The following KCTD13 variants were observed in gnomAD, a reference collection of about 807,000 sequenced individuals.
KCTD13 encodes the protein BTB/POZ domain-containing adapter for CUL3-mediated RhoA degradation protein 1.
KCTD13 carries 15 observed loss-of-function variants against 32.3 expected under a neutral mutation model. The ratio of observed to expected loss-of-function variants is 0.46; its 90% CI spans 0.31 to 0.71. KCTD13 has a LOEUF of 0.71. Among genes scored for constraint, KCTD13 ranks in the 30% least tolerant of loss-of-function variants. The pLI is 0.05. For missense variants in KCTD13, 337 were observed against 452.6 expected (o/e 0.74, Z 2.32); for synonymous variants, 189 against 200.1 (o/e 0.94, Z 0.47).
Position 29,923,239 on chromosome 16 carries a change from C to T in KCTD13, c.365G>A (p.Arg122His), listed in dbSNP as rs145261639. The T allele has an allele frequency of 5.6e-6, 9 of 1,614,082 alleles. No homozygotes were observed. The African/African-American group carries it at 8.0e-5, about 14-fold the overall frequency. The change falls in exon 2 of 6, where the codon CGC (arginine) becomes CAC (histidine). Residue 122 changes from arginine to histidine, a missense_variant. Around this residue, in one of 3 missense-constraint regions of KCTD13, gnomAD observed 252 missense variants for 340.2 expected, o/e 0.74. Coordinates refer to ENST00000568000, the MANE Select transcript of KCTD13 (RefSeq NM_178863.5). The stretch of plus-strand genomic sequence containing the variant: ...AATCAGGCCCTGCACCAGGTAGTAG[C>T]GTGCTTCGCCCAGCAGCTCCCCCAG... ...RELGELLGEA[R>H]YYLVQGLIED...
chr16:29,917,336 T>C (rs1321728870), intron 2 of KCTD13, among the ~76,000 whole-genome samples: 1 of 152,120 alleles, frequency 6.6e-6, no homozygotes, highest in East Asian at 1.9e-4. Flanking sequence ...AATACCCATA[T>C]ATGAAAAAAA....
At chr16:29,911,690 G>T (rs544369227) in intron 4 of KCTD13, 125 bp downstream of exon 4, 313 of 1,007,978 alleles carry the variant, frequency 3.1e-4, no homozygotes, top group Middle Eastern at 9.4e-4. Flanking sequence ...AGGCGAAGCC[G>T]AATCTGCGAG....
chr16:29,910,825 T>C (rs961891614), intron 5 of KCTD13, among the ~76,000 whole-genome samples, 153 bp downstream of exon 5: 2 of 152,068 alleles, frequency 1.3e-5, no homozygotes, highest in African/African-American at 4.8e-5. Flanking sequence ...CCCACAGGGA[T>C]AGGGTGGCTT....
chr16:29,917,856 G>C (rs1007342129), intron 2 of KCTD13, among the ~76,000 whole-genome samples: 2 of 152,122 alleles, frequency 1.3e-5, no homozygotes, highest in African/African-American at 4.8e-5. Context: ...GCTGAGACAT[G>C]AAAATTGTTT....
chr16:29,916,266 T>A (rs2068807759), intron 2 of KCTD13, among the ~76,000 whole-genome samples: 1 of 152,170 alleles, frequency 6.6e-6, no homozygotes, highest in South Asian at 2.1e-4. Context: ...TTCTTTTAAT[T>A]TTTTTAGAGA....
chr16:29,925,559 G>A (rs1477674628), intron 1 of KCTD13: 6 of 584,588 alleles, frequency 1.0e-5, no homozygotes, highest in East Asian at 2.9e-5. Context: ...GGCAGTTAGG[G>A]GTTCCGTAAG....
chr16:29,926,076 GC>G lies in KCTD13; in HGVS notation c.-44del. 3 of 1,450,618 alleles carry G rather than the reference GC, an allele frequency of 2.1e-6. No homozygotes were observed. Among genetic ancestry groups the G allele is most frequent in the Non-Finnish European group, 2.7e-6 (3 of 1,109,234 alleles). The allele number at this position is 1,450,618 out of a possible 1,614,324, so 89.9% of individuals were successfully genotyped here. A position where few individuals can be genotyped will look rare whatever the true frequency, so the allele number is the denominator to read the frequency against. On this transcript the variant is annotated 5_prime_UTR_variant, in exon 1 of 6. Transcript: ENST00000568000. Reference sequence around the variant, plus strand: ...GACGGCGATCCCAGGATCTCTCCGCGCCCTGCGGCCTGCTCCCGAAGACCCT... The same window carrying G: ...GACGGCGATCCCAGGATCTCTCCGCGCCTGCGGCCTGCTCCCGAAGACCCT...
At chr16:29,923,826 C>T (rs1394597687) in intron 1 of KCTD13, among the ~76,000 whole-genome samples, 1 of 150,842 alleles carries the variant, frequency 6.6e-6, no homozygotes, top group East Asian at 1.9e-4. Context: ...TGCACTCCAG[C>T]CTGGGTAATA....
chr16:29,907,323 C>A (rs1458180980), intron 5 of KCTD13, among the ~76,000 whole-genome samples: 4 of 152,220 alleles, frequency 2.6e-5, no homozygotes. Flanking sequence ...TTCTCTCCTT[C>A]ATCTCCTTCC....
chr16:29,918,800 G>T (rs772407132), intron 2 of KCTD13, among the ~76,000 whole-genome samples: 2 of 152,188 alleles, frequency 1.3e-5, no homozygotes, highest in Non-Finnish European at 2.9e-5. Flanking sequence ...TGGGATTACA[G>T]ATGCCCACCA....
Position 29,906,857 on chromosome 16 carries a change from G to A in KCTD13, c.*15C>T, listed in dbSNP as rs1397074340. 1.2e-6 allele frequency: 2 copies of A among 1,606,872 alleles called. No homozygotes were observed. Among genetic ancestry groups the A allele is most frequent in the Non-Finnish European group, 1.7e-6 (2 of 1,173,726 alleles). On this transcript the variant is annotated 3_prime_UTR_variant, in exon 6 of 6. Transcript: ENST00000568000. ...GGGTCCCAAGGCAAGAGGAAGGCAG[G>A]GGGAGGGTCAGAGGTCAGTCCTTGA...
At chr16:29,908,619 C>T (rs1485401069) in intron 5 of KCTD13, among the ~76,000 whole-genome samples, 4 of 151,118 alleles carry the variant, frequency 2.6e-5, no homozygotes, top group East Asian at 1.9e-4. Flanking sequence ...CTCCTGACCT[C>T]GTGATCTGCC....
chr16:29,922,247 A>T (rs2068926903), intron 2 of KCTD13: 1 of 152,032 alleles, frequency 6.6e-6, no homozygotes. Flanking sequence ...AAGGAGTTCT[A>T]CACCTTTGGG....
intron 2 of KCTD13, 90 bp downstream of exon 2, chr16:29,923,100 G>A (rs1314587224): frequency 7.0e-7 from 1 of 1,418,552 alleles, no homozygotes; most frequent in Non-Finnish European, 9.6e-7. Flanking sequence ...GGCTCTCCAA[G>A]CCATACCCCA....
intron 2 of KCTD13, 28 bp from the exon 3 acceptor site, chr16:29,912,077 A>C (rs2068723444): frequency 6.6e-7 from 1 of 1,518,642 alleles, no homozygotes; most frequent in East Asian, 2.4e-5. Flanking sequence ...GGTGGTTAAC[A>C]GCACAACCAA....
At chr16:29,923,013 TG>T (rs1411104816) in intron 2 of KCTD13, 176 bp downstream of exon 2, 11 of 624,694 alleles carry the variant, frequency 1.8e-5, no homozygotes, top group Non-Finnish European at 2.7e-5. Flanking sequence ...GAGGCTGGGG[TG>T]GGGGTGCTGC....
intron 2 of KCTD13, among the ~76,000 whole-genome samples, chr16:29,919,123 G>T (rs905525053): frequency 6.6e-6 from 1 of 152,140 alleles, no homozygotes; most frequent in African/African-American, 2.4e-5. Flanking sequence ...CTACAGTCTG[G>T]TTTACAGGAA....
At position 29,907,066 on chromosome 16, in the gene KCTD13, T is replaced by A; in HGVS notation, c.796A>T (p.Ile266Phe). 2 of 1,612,874 alleles carry A rather than the reference T, an allele frequency of 1.2e-6. No homozygotes were observed. The highest frequency in any genetic ancestry group is 1.7e-6 in the Non-Finnish European group (2 of 1,179,046). ...EARIFEETLN[I>F]LIYETPRGPD... ...CCCCGGGGAGTCTCGTAGATGAGGA[T>A]GTTCAGGGTCTCCTCGAAGATCCGG... Residue 266 changes from isoleucine to phenylalanine, a missense_variant, in exon 6 of 6, where the codon ATC becomes TTC. By Grantham distance (21) the Ile-to-Phe change is conservative. Around this residue, in one of 3 missense-constraint regions of KCTD13, gnomAD observed 252 missense variants for 340.2 expected, o/e 0.74. Transcript: ENST00000568000.
At chr16:29,915,981 A>ACT (rs977686955) in intron 2 of KCTD13, among the ~76,000 whole-genome samples, 5 of 151,208 alleles carry the variant, frequency 3.3e-5, no homozygotes, top group Non-Finnish European at 4.4e-5. Flanking sequence ...TCTTTAACTT[A>ACT]CTCTCTCCTC....
Sources: gnomAD v4.1 joint callset for allele counts (sites outside exome capture counted in the v4.1 genomes callset) on GRCh38, gnomAD v4.1.1 for gene constraint, gnomAD v4.1.1 regional missense constraint, MANE v1.5 for transcripts, NCBI Gene and HGNC (gene_info 2026-07-23, HGNC 2026-07-21) for gene names.